Variants in MYO5B observed in about 807,000 individuals in gnomAD.
MYO5B encodes unconventional myosin-Vb.
MYO5B carries 143 observed loss-of-function variants against 229.3 expected under a neutral mutation model. The ratio of observed to expected loss-of-function variants is 0.62; its 90% CI spans 0.54 to 0.72. The LOEUF is 0.72. Ranked by LOEUF, MYO5B falls within the 30% of genes least tolerant of loss-of-function variation. The pLI, the probability that MYO5B is intolerant of heterozygous loss-of-function variation, is 0.00. For missense variants in MYO5B, 2,321 were observed against 2,331.0 expected (o/e 1.00, Z 0.09); for synonymous variants, 918 against 885.2 (o/e 1.04, Z -0.66).
At chr18:50,101,090 T>C (rs1369477448) in intron 1 of MYO5B, among the ~76,000 whole-genome samples, 1 of 152,222 alleles carries the variant, frequency 6.6e-6, no homozygotes, top group African/African-American at 2.4e-5. Flanking sequence ...TAGCATACTG[T>C]ATAGTTGAAG....
chr18:50,155,656 C>G (rs533232853), intron 1 of MYO5B, among the ~76,000 whole-genome samples: 1 of 152,268 alleles, frequency 6.6e-6, no homozygotes, highest in African/African-American at 2.4e-5. Flanking sequence ...TTTCCTCTAC[C>G]AGAGTAGATG....
At chr18:50,030,957 C>T (rs1315880612) in intron 4 of MYO5B, among the ~76,000 whole-genome samples, 6 of 138,060 alleles carry the variant, frequency 4.3e-5, no homozygotes, top group South Asian at 2.3e-4. Context: ...AATCAGACAC[C>T]GCCAGCCAAA....
In MYO5B at chr18:49,841,398, A is replaced by G. The variant is rs764967893; in HGVS notation, c.4668T>C (p.Leu1556=). Residue 1556 remains leucine, a synonymous_variant, in exon 35 of 40, where the codon CTT becomes CTC. Transcript: ENST00000285039. ...CGCTGTACTGCTTCAGACAGTGAAG[A>G]AGGCGGCAGGTGTTGGATAACCAGA... ...TSFWLSNTCR[L]LHCLKQYSGD... 5 of 1,614,188 alleles carry G rather than the reference A, an allele frequency of 3.1e-6. No homozygotes were observed. Among genetic ancestry groups the G allele is most frequent in the South Asian group, 1.1e-5 (1 of 91,072 alleles).
At chr18:49,947,707 A>C (rs905185294) in intron 14 of MYO5B, among the ~76,000 whole-genome samples, 1 of 152,052 alleles carries the variant, frequency 6.6e-6, no homozygotes. Flanking sequence ...GAACTCAAAC[A>C]CTCAAGCTAG....
rs200152668 is a variant in MYO5B, at chr18:49,828,481, T to C, written c.5395-1858A>G. 8.5e-5 allele frequency among the ~76,000 whole-genome samples: 13 copies of C among 152,314 alleles called. No individual in the cohort carries two copies. The East Asian group carries it at 1.7e-3, about 20-fold the overall frequency. ...TTAAGGGAGGATAGTTCTACAGTAA[T>C]GGTTGGACATTTCAATACCCCATTT... On this transcript the variant is annotated intron_variant, in intron 39 of 39. Transcript: ENST00000285039.
chr18:50,089,711 C>T (rs925225326), intron 1 of MYO5B, among the ~76,000 whole-genome samples: 6 of 152,126 alleles, frequency 3.9e-5, no homozygotes, highest in Admixed American at 1.3e-4. Flanking sequence ...CTGTTTTTAA[C>T]GCTGCTCTGC....
intron 1 of MYO5B, among the ~76,000 whole-genome samples, chr18:50,178,063 C>T (rs1036587460): frequency 6.6e-6 from 1 of 152,214 alleles, no homozygotes; most frequent in Admixed American, 6.5e-5. Flanking sequence ...CGGCACCATG[C>T]TAAGCATCAA....
chr18:49,966,526 G>A (rs890284296), intron 10 of MYO5B, among the ~76,000 whole-genome samples: 4 of 152,148 alleles, frequency 2.6e-5, no homozygotes, highest in African/African-American at 9.7e-5. Context: ...GCTGCTGATG[G>A]CAGCCAAGCC....
chr18:49,963,454 ACT>A (rs1215122459), intron 10 of MYO5B, among the ~76,000 whole-genome samples: 2 of 151,520 alleles, frequency 1.3e-5, no homozygotes, highest in Non-Finnish European at 2.9e-5. Flanking sequence ...ACATGGTCTG[ACT>A]CTGTCACCCA....
chr18:50,016,730 C>A (rs1292334734), intron 4 of MYO5B, among the ~76,000 whole-genome samples: 1 of 152,138 alleles, frequency 6.6e-6, no homozygotes, highest in Non-Finnish European at 1.5e-5. Flanking sequence ...CAGAGTTGTG[C>A]AACCATCACA....
intron 29 of MYO5B, among the ~76,000 whole-genome samples, 165 bp from the exon 30 acceptor site, chr18:49,857,055 C>G (rs752605391): frequency 1.3e-5 from 2 of 152,242 alleles, no homozygotes; most frequent in African/African-American, 2.4e-5. Context: ...CACCTGCAAA[C>G]AGCATCTCTC....
intron 17 of MYO5B, among the ~76,000 whole-genome samples, chr18:49,914,454 A>G (rs183206484): frequency 3.3e-5 from 5 of 152,256 alleles, no homozygotes; most frequent in African/African-American, 9.6e-5. Context: ...GCCTTTTAAG[A>G]GGGCCCTTTA....
At chr18:49,961,680 C>T (rs1341894242) in intron 12 of MYO5B, among the ~76,000 whole-genome samples, 13 of 152,192 alleles carry the variant, frequency 8.5e-5, no homozygotes, top group Admixed American at 8.5e-4. Context: ...CCCCTATCAT[C>T]GAGCAGGAAA....
chr18:49,946,826 G>A (rs1037845774), intron 14 of MYO5B, among the ~76,000 whole-genome samples: 1 of 126 alleles, frequency 7.9e-3, no homozygotes, highest in African/African-American at 0.042. Context: ...TTCTCAAAAG[G>A]AGGTACCAGT....
chr18:50,043,978 C>T (rs2030146987), intron 2 of MYO5B, among the ~76,000 whole-genome samples: 1 of 151,988 alleles, frequency 6.6e-6, no homozygotes, highest in African/African-American at 2.4e-5. Flanking sequence ...CAGAAATCAG[C>T]ACTAAAGAAC....
intron 14 of MYO5B, among the ~76,000 whole-genome samples, chr18:49,947,176 G>C (rs1204528310): frequency 7.2e-6 from 1 of 138,606 alleles, no homozygotes; most frequent in Non-Finnish European, 1.5e-5. Context: ...CACGATCTCA[G>C]CTCACTGCAA....
chr18:49,901,089 G>A (rs982308968), intron 21 of MYO5B, among the ~76,000 whole-genome samples: 16 of 152,276 alleles, frequency 1.1e-4, no homozygotes, highest in African/African-American at 2.6e-4. Flanking sequence ...AACACATATC[G>A]CAGAGCTTGG....
At chr18:49,955,893 G>T (rs769900289) in intron 12 of MYO5B, among the ~76,000 whole-genome samples, 4 of 152,204 alleles carry the variant, frequency 2.6e-5, no homozygotes, top group Non-Finnish European at 4.4e-5. Context: ...AACACAAGAG[G>T]GACCTAGAAG....
chr18:50,103,272 A>G (rs1187924967), intron 1 of MYO5B, among the ~76,000 whole-genome samples: 1 of 152,180 alleles, frequency 6.6e-6, no homozygotes, highest in Non-Finnish European at 1.5e-5. Context: ...CTTAGTTTCC[A>G]TTTCCAACCA....
Sources: allele counts gnomAD v4.1 joint callset (sites outside exome capture counted in the v4.1 genomes callset), GRCh38; gene constraint gnomAD v4.1.1; transcripts MANE v1.5; gene names NCBI Gene and HGNC (gene_info 2026-07-23, HGNC 2026-07-21).